AFTPH: variants seen among roughly 807,000 people sequenced by gnomAD.
AFTPH encodes aftiphilin.
Under a neutral mutation model 72.5 loss-of-function variants are expected in AFTPH, and 7 were observed. The ratio of observed to expected loss-of-function variants is 0.10; its 90% CI spans 0.05 to 0.18. The LOEUF (loss-of-function observed/expected upper bound fraction) is 0.18, where lower values mean the gene tolerates loss of function less well. Among genes scored for constraint, AFTPH ranks in the 10% least tolerant of loss-of-function variants. The pLI is 1.00. For synonymous variants in AFTPH, 337 were observed against 370.1 expected (o/e 0.91, Z 1.03); for missense variants, 979 against 1,060.5 (o/e 0.92, Z 1.07).
At chr2:64,566,067 T>TTTTTTG (rs1384997206) in intron 2 of AFTPH, among the ~76,000 whole-genome samples, 2 of 152,204 alleles carry the variant, frequency 1.3e-5, no homozygotes, top group East Asian at 3.8e-4. Context: ...GCCATGTTAG[T>TTTTTTG]TTTTTGTTTA....
At chr2:64,536,008 G>C (rs1459589996) in intron 1 of AFTPH, among the ~76,000 whole-genome samples, 2 of 152,206 alleles carry the variant, frequency 1.3e-5, no homozygotes, top group Admixed American at 6.5e-5. Context: ...TTGTGGTAGA[G>C]GGGGAGCGGT....
intron 3 of AFTPH, 31 bp from the exon 4 acceptor site, chr2:64,569,061 G>C: frequency 6.2e-7 from 1 of 1,613,450 alleles, no homozygotes; most frequent in Non-Finnish European, 8.5e-7. Context: ...TGAGTAACCT[G>C]TTGTTGATGG....
intron 8 of AFTPH, 82 bp from the exon 10 acceptor site, chr2:64,591,806 C>A: frequency 6.8e-7 from 1 of 1,459,962 alleles, no homozygotes. Context: ...TGCTAACTGT[C>A]TACCTTGAGA....
Position 64,550,692 on chromosome 2 carries a change from C to G in AFTPH, c.-32-751C>G, listed in dbSNP as rs991331918. Among the ~76,000 whole-genome samples, 415 of 63,774 alleles carry G rather than the reference C, an allele frequency of 6.5e-3. 3 individuals carry two copies. The highest frequency in any genetic ancestry group is 0.022 in the African/African-American group (394 of 18,184). 41.8% of individuals were successfully genotyped at this position (63,774 alleles called of 152,430 possible). On this transcript the variant is annotated intron_variant, in intron 1 of 8. Transcript: ENST00000238856. ...CTGTACGCATGCACACACACACACA[C>G]ACACACACACACACACACACACACA... is the stretch of plus-strand genomic sequence containing the variant.
At chr2:64,535,384 A>G (rs1302424825) in intron 1 of AFTPH, among the ~76,000 whole-genome samples, 1 of 152,244 alleles carries the variant, frequency 6.6e-6, no homozygotes, top group East Asian at 1.9e-4. Flanking sequence ...ATTAGGGGAA[A>G]AAAACATGGA....
intron 6 of AFTPH, among the ~76,000 whole-genome samples, chr2:64,575,583 C>G (rs1002918237): frequency 6.6e-6 from 1 of 151,920 alleles, no homozygotes; most frequent in African/African-American, 2.4e-5. Flanking sequence ...CACCAGTGCA[C>G]TCCAGCCTAG....
chr2:64,568,557 C>G (rs984420032), intron 3 of AFTPH, among the ~76,000 whole-genome samples: 2 of 152,196 alleles, frequency 1.3e-5, no homozygotes, highest in Admixed American at 6.6e-5. Context: ...AATTTTTACT[C>G]TACTCTCACA....
rs569406790 is a variant in AFTPH, at chr2:64,562,497, G to A, written c.1936-5065G>A. On this transcript the variant is annotated intron_variant, in intron 2 of 8. Coordinates refer to ENST00000238856, the Ensembl canonical transcript of AFTPH. ...GCTTTGATGACAACATAATATAGTG[G>A]TTAAGAGCACCTACACTGAAACTAT... 1.0e-3 allele frequency among the ~76,000 whole-genome samples: 159 copies of A among 152,128 alleles called. 1 individual carries two copies. The highest frequency in any genetic ancestry group is 6.8e-3 in the Middle Eastern group (2 of 294).
chr2:64,551,205 T>G (rs573475475), intron 1 of AFTPH, among the ~76,000 whole-genome samples: 1 of 152,250 alleles, frequency 6.6e-6, no homozygotes, highest in African/African-American at 2.4e-5. Context: ...CTTGGTAACA[T>G]GTAGTCTAAG....
chr2:64,585,133 C>G (rs570605444), intron 7 of AFTPH, among the ~76,000 whole-genome samples: 1 of 152,170 alleles, frequency 6.6e-6, no homozygotes, highest in East Asian at 1.9e-4. Flanking sequence ...TTTTCTATAG[C>G]AGATAGAAAT....
rs139551386 is a variant in AFTPH at position 64,587,109 on chromosome 2, C to T, written c.2579+1564C>T. Among the ~76,000 whole-genome samples, 63 of 152,300 alleles carry T rather than the reference C, an allele frequency of 4.1e-4. No individual in the cohort carries two copies. In the East Asian group the frequency reaches 0.012, roughly 29 times the overall value. ...ACCACCTTAACTTGTTCTCCTAATT[C>T]GTTAACTCATCCTTGAAACATGCTG... On this transcript the variant is annotated intron_variant, in intron 8 of 8. Coordinates refer to ENST00000238856, the Ensembl canonical transcript of AFTPH.
At chr2:64,552,912 G>A in exon 2 of AFTPH, 1 of 1,614,126 alleles carries the variant, frequency 6.2e-7, no homozygotes, top group Non-Finnish European at 8.5e-7. Context: ...TGACTTTGGA[G>A]AATTTGGGGA....
chr2:64,579,804 T>C (rs565571572), intron 7 of AFTPH: 8 of 348,226 alleles, frequency 2.3e-5, no homozygotes, highest in African/African-American at 1.7e-4. Flanking sequence ...TCTTTATTTT[T>C]TACAAATATC....
intron 1 of AFTPH, among the ~76,000 whole-genome samples, chr2:64,550,447 A>C (rs1029532871): frequency 2.6e-5 from 4 of 152,166 alleles, no homozygotes; most frequent in African/African-American, 9.7e-5. Flanking sequence ...CTGAGGGAAA[A>C]AGCCAGCTTC....
At chr2:64,524,931 A>G (rs796074360) in intron 1 of AFTPH, among the ~76,000 whole-genome samples, 9 of 152,054 alleles carry the variant, frequency 5.9e-5, no homozygotes, top group African/African-American at 2.2e-4. Flanking sequence ...CCACCTCCCA[A>G]AGCTCCGCGC....
At chr2:64,539,433 A>G (rs923226042) in intron 1 of AFTPH, among the ~76,000 whole-genome samples, 1 of 152,194 alleles carries the variant, frequency 6.6e-6, no homozygotes, top group Non-Finnish European at 1.5e-5. Context: ...CTCTTTAGAC[A>G]TGTTGCAGCA....
chr2:64,566,567 C>A (rs1158500002), intron 2 of AFTPH, among the ~76,000 whole-genome samples: 1 of 152,110 alleles, frequency 6.6e-6, no homozygotes, highest in Non-Finnish European at 1.5e-5. Context: ...CTTAATCTTA[C>A]AACAGGCTTT....
At chr2:64,538,386 C>T (rs1670004929) in intron 1 of AFTPH, among the ~76,000 whole-genome samples, 1 of 152,154 alleles carries the variant, frequency 6.6e-6, no homozygotes, top group African/African-American at 2.4e-5. Context: ...CCATGGAATT[C>T]CTTCCATAGT....
intron 1 of AFTPH, among the ~76,000 whole-genome samples, chr2:64,544,160 A>G (rs935374678): frequency 6.6e-6 from 1 of 152,044 alleles, no homozygotes; most frequent in East Asian, 1.9e-4. Flanking sequence ...ATTTTTATTC[A>G]CCTATATTGT....
Sources: gnomAD v4.1 joint callset for allele counts (sites outside exome capture counted in the v4.1 genomes callset) on GRCh38, gnomAD v4.1.1 for gene constraint, MANE v1.5 for transcripts, NCBI Gene and HGNC (gene_info 2026-07-23, HGNC 2026-07-21) for gene names.